Variants in PPM1H observed in about 807,000 individuals in gnomAD.
PPM1H encodes the protein protein phosphatase, Mg2+/Mn2+ dependent 1H.
PPM1H carries 27 observed loss-of-function variants against 54.9 expected under a neutral mutation model. The observed-to-expected ratio is 0.49, with a 90% CI of 0.36 to 0.68. PPM1H has a LOEUF of 0.68. PPM1H is among the 30% of genes least tolerant of loss of function. PPM1H has a pLI of 0.00. For synonymous variants in PPM1H, 305 were observed against 270.8 expected, an observed-to-expected ratio of 1.13 and a Z score of -1.24; for missense variants, 596 against 667.8, an observed-to-expected ratio of 0.89 and a Z score of 1.19.
intron 6 of PPM1H, among the ~76,000 whole-genome samples, chr12:62,702,544 C>CAGAGAG (rs66497730): frequency 0.13 from 18,941 of 140,540 alleles, 1,335 homozygotes; most frequent in Admixed American, 0.18. Flanking sequence ...CCTTGAGCTA[C>CAGAGAG]AGAGAGAGAG....
intron 2 of PPM1H, among the ~76,000 whole-genome samples, chr12:62,803,773 G>T (rs2076787081): frequency 6.6e-6 from 1 of 152,122 alleles, no homozygotes; most frequent in South Asian, 2.1e-4. Flanking sequence ...GTAGCCTATG[G>T]CATAAGAAAA....
chr12:62,846,520 T>G (rs1030519695), intron 1 of PPM1H, among the ~76,000 whole-genome samples: 1 of 151,884 alleles, frequency 6.6e-6, no homozygotes, highest in Non-Finnish European at 1.5e-5. Context: ...AAATTTTTTT[T>G]TTTTTTAACT....
Position 62,833,409 on chromosome 12 carries a change from T to G in PPM1H, c.246-1130A>C, listed in dbSNP as rs1868409097. On this transcript the variant is annotated intron_variant, in intron 1 of 9. Coordinates refer to ENST00000228705, the MANE Select transcript of PPM1H (RefSeq NM_020700.2). ...ATAGGCTCAGAGTAAATTGCAAAAA[T>G]AGTACAGAGTCCCATGTAGCTTTTG... Among the ~76,000 whole-genome samples, 3 of 152,142 alleles carry G rather than the reference T, an allele frequency of 2.0e-5. No individual in the cohort carries two copies. In the South Asian group the frequency reaches 6.2e-4, roughly 31 times the overall value.
rs1297086176 is a variant in PPM1H, at chr12:62,864,712, A to G, written c.246-32433T>C. On this transcript the variant is annotated intron_variant, in intron 1 of 9. Coordinates refer to ENST00000228705, the MANE Select transcript of PPM1H (RefSeq NM_020700.2). ...AATCAAAGCAGTCATTCTTAAAGCT[A>G]GAATTATCACATAATAATAGTGGAA... Among the ~76,000 whole-genome samples the G allele has an allele frequency of 2.6e-5, 4 of 152,368 alleles. No homozygotes were observed. In the East Asian group the frequency reaches 7.7e-4, roughly 29 times the overall value.
intron 1 of PPM1H, among the ~76,000 whole-genome samples, chr12:62,865,653 C>T (rs970878096): frequency 2.6e-5 from 4 of 152,174 alleles, no homozygotes; most frequent in South Asian, 4.2e-4. Context: ...TGTGCCACCA[C>T]GTCCTGCTAA....
intron 1 of PPM1H, among the ~76,000 whole-genome samples, chr12:62,898,512 CT>C: frequency 6.6e-6 from 1 of 152,196 alleles, no homozygotes. Flanking sequence ...AAATACTTAC[CT>C]TTAGGGTGGT....
At position 62,844,091 on chromosome 12, in the gene PPM1H, C is replaced by T. The variant is rs1004092732; in HGVS notation, c.246-11812G>A. On this transcript the variant is annotated intron_variant, in intron 1 of 9. Transcript: ENST00000228705. This position sits in a 1 kb window ranked among gnomAD's most constrained non-coding sequence, Gnocchi z 5.2. ...CTTTGCCTTTGTCAACCTTAAATAACGAGATTCAGAAATTATGATTAAGCA... is the reference window on the plus strand; with the variant it reads ...CTTTGCCTTTGTCAACCTTAAATAATGAGATTCAGAAATTATGATTAAGCA... Among the ~76,000 whole-genome samples the T allele has an allele frequency of 3.3e-5, 5 of 152,166 alleles. No individual in the cohort carries two copies. The highest frequency in any genetic ancestry group is 4.1e-4 in the South Asian group (2 of 4,830).
rs972793982 is a variant in PPM1H, at chr12:62,645,439, G to A, written c.*3050C>T. The A allele has an allele frequency of 1.3e-5, 2 of 152,262 alleles. No individual in the cohort carries two copies. Among genetic ancestry groups the A allele is most frequent in the African/African-American group, 4.8e-5 (2 of 41,456 alleles). The allele number at this position is 152,262 out of a possible 1,614,324, so 9.4% of individuals were successfully genotyped here. On this transcript the variant is annotated 3_prime_UTR_variant, in exon 10 of 10. Transcript: ENST00000228705. ...GGCTTCATCCTATTAAGACAGCTGA[G>A]TACTTGGCCTGGCCCGATTTTCACC...
At chr12:62,788,947 A>G (rs1200860677) in intron 3 of PPM1H, among the ~76,000 whole-genome samples, 1 of 152,106 alleles carries the variant, frequency 6.6e-6, no homozygotes, top group Non-Finnish European at 1.5e-5. Flanking sequence ...GCTGGTCTCG[A>G]ACTCCTGTGC....
intron 1 of PPM1H, among the ~76,000 whole-genome samples, chr12:62,881,764 C>T (rs575199840): frequency 6.6e-6 from 1 of 152,318 alleles, no homozygotes; most frequent in South Asian, 2.1e-4. Flanking sequence ...CTGATTCAAT[C>T]CCTCCTCTCC....
chr12:62,790,867 A>T (rs2076697789), intron 3 of PPM1H, among the ~76,000 whole-genome samples: 1 of 152,188 alleles, frequency 6.6e-6, no homozygotes, highest in Non-Finnish European at 1.5e-5. Flanking sequence ...AACTGTGTAT[A>T]AATTAGCTTT....
At chr12:62,649,969 G>GCCTTTTA (rs1220673493) in intron 9 of PPM1H, among the ~76,000 whole-genome samples, 1 of 152,130 alleles carries the variant, frequency 6.6e-6, no homozygotes, top group Non-Finnish European at 1.5e-5. Context: ...CAGCCTGTGG[G>GCCTTTTA]CCTTTTACAA....
rs149652318 is a variant in PPM1H, at chr12:62,673,831, C to G, written c.1246-6502G>C. 9.3e-3 allele frequency among the ~76,000 whole-genome samples: 1,374 copies of G among 147,600 alleles called. 20 individuals are homozygous for G. Among genetic ancestry groups the G allele is most frequent in the African/African-American group, 0.033 (1,313 of 39,978 alleles). On this transcript the variant is annotated intron_variant, in intron 8 of 9. Coordinates refer to ENST00000228705, the MANE Select transcript of PPM1H (RefSeq NM_020700.2). ...GCCTCAACCTGCCACACTCAAGCAA[C>G]CCTCCCATCTCAGCCTTTCAAGTAG...
chr12:62,743,461 C>T (rs1429810591), intron 4 of PPM1H, among the ~76,000 whole-genome samples: 1 of 152,054 alleles, frequency 6.6e-6, no homozygotes, highest in Non-Finnish European at 1.5e-5. Context: ...CAGACTAATT[C>T]CTAGAAAATC....
chr12:62,766,532 A>G (rs2076544601), intron 4 of PPM1H, among the ~76,000 whole-genome samples: 1 of 151,750 alleles, frequency 6.6e-6, no homozygotes, highest in Non-Finnish European at 1.5e-5. Flanking sequence ...TACACAACTC[A>G]GGGCCCAAAA....
intron 2 of PPM1H, among the ~76,000 whole-genome samples, chr12:62,812,241 G>A (rs760916275): frequency 2.0e-5 from 3 of 152,074 alleles, no homozygotes; most frequent in Admixed American, 6.5e-5. Context: ...TTACTCTTCC[G>A]GAAGCTTCAG....
At chr12:62,888,371 C>T (rs1346880348) in intron 1 of PPM1H, among the ~76,000 whole-genome samples, 1 of 152,004 alleles carries the variant, frequency 6.6e-6, no homozygotes, top group Non-Finnish European at 1.5e-5. Context: ...GTCTGGAACT[C>T]AGGGCTGGGG....
chr12:62,803,839 C>T (rs1247828734), intron 2 of PPM1H, among the ~76,000 whole-genome samples: 3 of 152,138 alleles, frequency 2.0e-5, no homozygotes, highest in Non-Finnish European at 4.4e-5. Context: ...ACACAAGAAA[C>T]TCCTACAATT....
rs562328105 is a variant in PPM1H, at chr12:62,907,617, T to C, written c.245+26875A>G. Among the ~76,000 whole-genome samples, 337 of 152,346 alleles carry C rather than the reference T, an allele frequency of 2.2e-3. 8 individuals are homozygous for C. The highest frequency in any genetic ancestry group is 0.018 in the Admixed American group (272 of 15,302). On this transcript the variant is annotated intron_variant, in intron 1 of 9. Transcript: ENST00000228705. ...AATGTTCTAGTCTAAGTCTCCTTTG[T>C]TTATCCAGTAAGTACTTGTTACACA... is the stretch of plus-strand genomic sequence containing the variant.
Sources: allele counts gnomAD v4.1 joint callset (sites outside exome capture counted in the v4.1 genomes callset), GRCh38; gene constraint gnomAD v4.1.1; non-coding constraint Gnocchi (gnomAD v3.1); transcripts MANE v1.5; gene names NCBI Gene and HGNC (gene_info 2026-07-23, HGNC 2026-07-21).